The following RHOH variants were observed in gnomAD, a reference collection of about 807,000 sequenced individuals.
RHOH encodes the protein ras homolog family member H, also known as rho-related GTP-binding protein RhoH.
A neutral mutation model predicts 13.8 loss-of-function variants in RHOH; 6 were observed. The observed-to-expected ratio is 0.44, with a 90% CI of 0.24 to 0.86. The LOEUF (loss-of-function observed/expected upper bound fraction) is 0.86, where lower values mean the gene tolerates loss of function less well. Ranked by LOEUF, RHOH falls within the 40% of genes least tolerant of loss-of-function variation. The probability of loss-of-function intolerance (pLI) is 0.24; values close to 1 mark genes in which losing one functional copy is unlikely to be tolerated. For synonymous variants in RHOH, 117 were observed against 103.0 expected, an observed-to-expected ratio of 1.14 and a Z score of -0.82; for missense variants, 147 against 244.5, an observed-to-expected ratio of 0.60 and a Z score of 2.66.
At chr4:40,217,698 G>T (rs1256558024) in intron 1 of RHOH, among the ~76,000 whole-genome samples, 1 of 152,196 alleles carries the variant, frequency 6.6e-6, no homozygotes, top group Non-Finnish European at 1.5e-5. Flanking sequence ...GTTATTTTGT[G>T]TGGCAGCTTG....
intron 1 of RHOH, among the ~76,000 whole-genome samples, chr4:40,201,898 A>G (rs1724036613): frequency 6.6e-6 from 1 of 151,232 alleles, no homozygotes; most frequent in African/African-American, 2.4e-5. Context: ...ATCTGAAAAT[A>G]CCCTGAACAC....
chr4:40,213,665 T>C (rs1156963585), intron 1 of RHOH, among the ~76,000 whole-genome samples: 1 of 152,100 alleles, frequency 6.6e-6, no homozygotes, highest in Non-Finnish European at 1.5e-5. Context: ...TGGGTAGCGA[T>C]TGCACTCAGA....
At chr4:40,194,527 C>T (rs1346235267), upstream of RHOH, among the ~76,000 whole-genome samples, 1 of 152,098 alleles carries the variant, frequency 6.6e-6, no homozygotes, top group Admixed American at 6.5e-5. Flanking sequence ...CAGCACTCGG[C>T]CTATTGTCAT....
chr4:40,201,271 A>G (rs563295658), intron 1 of RHOH, among the ~76,000 whole-genome samples: 2 of 149,790 alleles, frequency 1.3e-5, no homozygotes, highest in East Asian at 1.9e-4. Context: ...TTTTTTTTGC[A>G]TTAGGTTTTA....
chr4:40,198,961 T>C (rs1723595644), intron 1 of RHOH, among the ~76,000 whole-genome samples: 1 of 152,264 alleles, frequency 6.6e-6, no homozygotes, highest in African/African-American at 2.4e-5. Flanking sequence ...TCTGAACCCA[T>C]ATAATAACAA....
At position 40,243,660 on chromosome 4, in the gene RHOH, C is replaced by G. The variant is rs776538517; in HGVS notation, c.274C>G (p.Leu92Val). The G allele has an allele frequency of 6.2e-7, 1 of 1,614,186 alleles. No homozygotes were observed. Among genetic ancestry groups the G allele is most frequent in the Non-Finnish European group, 8.5e-7 (1 of 1,180,050 alleles). Residue 92 changes from leucine to valine, a missense_variant, in exon 3 of 3, where the codon CTG (leucine) becomes GTG (valine). Physicochemically the swap from Leu to Val is conservative, Grantham distance 32 (BLOSUM62 1). This residue lies in a region of RHOH where 80 missense variants were observed against 152.0 expected (regional missense o/e 0.53). Transcript: ENST00000381799. This position sits in a 1 kb window ranked among gnomAD's most constrained non-coding sequence, Gnocchi z 6.2. ...CYSVANHNSFLNLKNKWIGEI... is the reference protein window; with the variant it reads ...CYSVANHNSFVNLKNKWIGEI... ...CTCTGTGGCCAACCATAACTCATTC[C>G]TGAACTTGAAGAACAAGTGGATTGG...
intron 1 of RHOH, among the ~76,000 whole-genome samples, chr4:40,223,557 C>T (rs570704485): frequency 1.3e-5 from 2 of 148,502 alleles, no homozygotes; most frequent in African/African-American, 2.5e-5. Flanking sequence ...TGTAGCCTCC[C>T]GGAGTCAAGT....
In RHOH at chr4:40,197,094, C is replaced by G. The variant is rs1723228538; in HGVS notation, c.-537C>G. 6.6e-6 allele frequency: 1 copy of G among 152,268 alleles called. No individual in the cohort carries two copies. The highest frequency in any genetic ancestry group is 2.4e-5 in the African/African-American group (1 of 41,462). The allele number at this position is 152,268 out of a possible 1,614,324, so 9.4% of individuals were successfully genotyped here. Reference sequence around the variant, plus strand: ...ACCCAACCATCTTGGGGTGGACTCCCTGCCAGCCCAACTGTTGTATTTTCA... The same window carrying G: ...ACCCAACCATCTTGGGGTGGACTCCGTGCCAGCCCAACTGTTGTATTTTCA... On this transcript the variant is annotated 5_prime_UTR_variant, in exon 1 of 3. Coordinates refer to ENST00000381799, the MANE Select transcript of RHOH (RefSeq NM_004310.5).
At position 40,218,020 on chromosome 4, in the gene RHOH, C is replaced by T. The variant is rs1187832064; in HGVS notation, c.-331+20720C>T. On this transcript the variant is annotated intron_variant, in intron 1 of 2. Transcript: ENST00000381799. This position sits in a 1 kb window ranked among gnomAD's most constrained non-coding sequence, Gnocchi z 4.1. ...GTTGCTCTCCTGATGGACATCTGGTCCATGATATTTGACTGTTTTAAGGTA... is the reference window on the plus strand; with the variant it reads ...GTTGCTCTCCTGATGGACATCTGGTTCATGATATTTGACTGTTTTAAGGTA... 1.3e-5 allele frequency: 2 copies of T among 152,158 alleles called. No individual in the cohort carries two copies. Among genetic ancestry groups the T allele is most frequent in the Non-Finnish European group, 2.9e-5 (2 of 68,030 alleles). The allele number at this position is 152,158 out of a possible 1,614,324, so 9.4% of individuals were successfully genotyped here. A position where few individuals can be genotyped will look rare whatever the true frequency, so the allele number is the denominator to read the frequency against.
intron 1 of RHOH, among the ~76,000 whole-genome samples, chr4:40,233,825 C>A (rs1372513813): frequency 2.6e-5 from 4 of 151,822 alleles, no homozygotes; most frequent in African/African-American, 9.7e-5. Flanking sequence ...ACTTGGGAGG[C>A]TGAGGCAGGA....
intron 1 of RHOH, among the ~76,000 whole-genome samples, chr4:40,198,141 C>T (rs1375579487): frequency 6.6e-6 from 1 of 152,184 alleles, no homozygotes; most frequent in East Asian, 1.9e-4. Context: ...ATGAGTGGGG[C>T]AGCACAGGCT....
intron 1 of RHOH, among the ~76,000 whole-genome samples, chr4:40,237,719 T>G (rs1017353904): frequency 6.6e-6 from 1 of 152,200 alleles, no homozygotes. Context: ...CCAAAGCTCC[T>G]TGAGGAGGAT....
chr4:40,199,633 G>T (rs1723704683), intron 1 of RHOH, among the ~76,000 whole-genome samples: 1 of 152,158 alleles, frequency 6.6e-6, no homozygotes, highest in South Asian at 2.1e-4. Flanking sequence ...AATTCTAGAG[G>T]TGCTTTTCAT....
chr4:40,202,890 T>C (rs957937329), intron 1 of RHOH, among the ~76,000 whole-genome samples: 6 of 152,070 alleles, frequency 3.9e-5, no homozygotes, highest in African/African-American at 1.4e-4. Flanking sequence ...CTGAAAAAAA[T>C]AGGGGCTGAC....
At chr4:40,224,087 T>C (rs1726940786) in intron 1 of RHOH, among the ~76,000 whole-genome samples, 1 of 152,146 alleles carries the variant, frequency 6.6e-6, no homozygotes, top group Admixed American at 6.5e-5. Context: ...AACTTTTATG[T>C]GCACTAGGAA....
intron 1 of RHOH, among the ~76,000 whole-genome samples, chr4:40,200,088 T>C (rs1339735928): frequency 1.3e-5 from 2 of 151,786 alleles, no homozygotes; most frequent in Non-Finnish European, 2.9e-5. Flanking sequence ...AGGTGGAGGC[T>C]GGGAGGCAGC....
At chr4:40,214,893 C>T (rs750171707) in intron 1 of RHOH, among the ~76,000 whole-genome samples, 4 of 152,148 alleles carry the variant, frequency 2.6e-5, no homozygotes, top group Non-Finnish European at 5.9e-5. Context: ...TTTCCAATGG[C>T]TCTCCCCGTG....
At chr4:40,196,166 G>T (rs1219569603), upstream of RHOH, among the ~76,000 whole-genome samples, 1 of 152,186 alleles carries the variant, frequency 6.6e-6, no homozygotes, top group Non-Finnish European at 1.5e-5. Flanking sequence ...TGGGGCCGAT[G>T]CACTGATAAA....
At chr4:40,194,524 C>T (rs1321917733), upstream of RHOH, among the ~76,000 whole-genome samples, 4 of 152,114 alleles carry the variant, frequency 2.6e-5, no homozygotes, top group African/African-American at 7.2e-5. Flanking sequence ...CCACAGCACT[C>T]GGCCTATTGT....
Sources: allele counts gnomAD v4.1 joint callset (sites outside exome capture counted in the v4.1 genomes callset), GRCh38; gene constraint gnomAD v4.1.1; regional missense constraint gnomAD v4.1.1; non-coding constraint Gnocchi (gnomAD v3.1); transcripts MANE v1.5; gene names NCBI Gene and HGNC (gene_info 2026-07-23, HGNC 2026-07-21).